PITPNM3: variants seen among roughly 807,000 people sequenced by gnomAD.
PITPNM3 encodes the protein PITPNM family member 3.
A neutral mutation model predicts 102.0 loss-of-function variants in PITPNM3; 26 were observed. The ratio of observed to expected loss-of-function variants is 0.25; its 90% CI spans 0.19 to 0.35. The LOEUF (loss-of-function observed/expected upper bound fraction) is 0.35. Among genes scored for constraint, PITPNM3 ranks in the 10% least tolerant of loss-of-function variants. PITPNM3 has a pLI of 1.00. For synonymous variants in PITPNM3, 578 were observed against 558.6 expected (o/e 1.03, Z -0.49); for missense variants, 1,083 against 1,346.1 (o/e 0.80, Z 3.06).
At chr17:6,501,316 T>C (rs1208274323) in intron 4 of PITPNM3, among the ~76,000 whole-genome samples, 4 of 152,174 alleles carry the variant, frequency 2.6e-5, no homozygotes, top group Admixed American at 2.6e-4. Flanking sequence ...CTCTGGGGCC[T>C]CGCTGGCCAG....
chr17:6,523,993 TTTGGGCAA>T (rs1908683511), intron 3 of PITPNM3, among the ~76,000 whole-genome samples: 1 of 152,222 alleles, frequency 6.6e-6, no homozygotes, highest in African/African-American at 2.4e-5. Context: ...CTTGGGGGAC[TTTGGGCAA>T]GACGTGGCTC....
At chr17:6,542,073 A>G (rs1034026932) in intron 1 of PITPNM3, among the ~76,000 whole-genome samples, 5 of 152,092 alleles carry the variant, frequency 3.3e-5, no homozygotes, top group Admixed American at 3.3e-4. Flanking sequence ...TCCTCTCTCC[A>G]TTGCCCGCTC....
At chr17:6,498,349 T>C (rs1906963213) in intron 4 of PITPNM3, among the ~76,000 whole-genome samples, 1 of 152,142 alleles carries the variant, frequency 6.6e-6, no homozygotes, top group African/African-American at 2.4e-5. Flanking sequence ...AGAGCTAGCC[T>C]GGGGAAACGG....
At chr17:6,508,797 G>A (rs569517932) in intron 3 of PITPNM3, among the ~76,000 whole-genome samples, 3 of 152,232 alleles carry the variant, frequency 2.0e-5, no homozygotes, top group Non-Finnish European at 2.9e-5. Context: ...TAAGTGTGGC[G>A]CCCGGACAGT....
chr17:6,472,579 C>G lies in PITPNM3; in HGVS notation c.1429+78G>C. On this transcript the variant is annotated intron_variant, in intron 11 of 19. Coordinates refer to ENST00000262483, the MANE Select transcript of PITPNM3 (RefSeq NM_031220.4). This position sits in a 1 kb window ranked among gnomAD's most constrained non-coding sequence, Gnocchi z 4.1. ...CTGCTCAGGTGAGTCACCCTACTCA[C>G]TGAGAGCTTGGAGGGGTTGAATGGG... The G allele has an allele frequency of 1.3e-6, 2 of 1,528,774 alleles. No homozygotes were observed. The highest frequency in any genetic ancestry group is 1.8e-6 in the Non-Finnish European group (2 of 1,125,044). 94.7% of individuals were successfully genotyped at this position (1,528,774 alleles called of 1,614,324 possible).
intron 3 of PITPNM3, among the ~76,000 whole-genome samples, chr17:6,511,723 C>G (rs1227652373): frequency 6.6e-6 from 1 of 152,066 alleles, no homozygotes; most frequent in African/African-American, 2.4e-5. Context: ...GTGGCTCACG[C>G]CTGTAGTCCC....
intron 1 of PITPNM3, among the ~76,000 whole-genome samples, chr17:6,551,582 A>C (rs906314845): frequency 6.6e-6 from 1 of 151,946 alleles, no homozygotes; most frequent in African/African-American, 2.4e-5. Flanking sequence ...AGATTTAAGA[A>C]TCCCAGCGTT....
chr17:6,483,138 G>A (rs746186944), intron 6 of PITPNM3, among the ~76,000 whole-genome samples: 10 of 152,002 alleles, frequency 6.6e-5, no homozygotes, highest in Admixed American at 6.6e-5. Context: ...TAGAGACAGG[G>A]TTTCACCATA....
In PITPNM3 at chr17:6,525,419, G is replaced by C. The variant is rs1250972891; in HGVS notation, c.163C>G (p.Gln55Glu). 2.5e-6 allele frequency: 4 copies of C among 1,614,188 alleles called. No homozygotes were observed. Among genetic ancestry groups the C allele is most frequent in the Non-Finnish European group, 3.4e-6 (4 of 1,180,034 alleles). The change falls in exon 3 of 20, where the codon CAG becomes GAG. Residue 55 changes from glutamine to glutamate, a missense_variant. Gln to Glu is a conservative substitution (Grantham distance 29, BLOSUM62 2). Around this residue, in one of 5 missense-constraint regions of PITPNM3, gnomAD observed 290 missense variants for 337.8 expected, o/e 0.86. Coordinates refer to ENST00000262483, the MANE Select transcript of PITPNM3 (RefSeq NM_031220.4). Reference sequence around the variant, plus strand: ...TCCACGAGGTCATTGGAGTTCCACTGGCTCATCCCAATGAGGATGGCATTC... The same window carrying C: ...TCCACGAGGTCATTGGAGTTCCACTCGCTCATCCCAATGAGGATGGCATTC... Reference protein sequence around the residue: ...GKNAILIGMSQWNSNDLVEQI... With the variant: ...GKNAILIGMSEWNSNDLVEQI...
chr17:6,512,835 A>G (rs1907947336), intron 3 of PITPNM3, among the ~76,000 whole-genome samples: 2 of 152,186 alleles, frequency 1.3e-5, no homozygotes, highest in South Asian at 4.1e-4. Context: ...AGAAGAACCT[A>G]GATTGTAAAT....
rs958201738 is a variant in PITPNM3, at chr17:6,556,221, C to T, written c.22+164G>A. ...AGGAAGGACGGGGGGCGCGCGGAGC[C>T]CCCTCTCCACGCGCGGGAGGTCCAG... On this transcript the variant is annotated intron_variant, in intron 1 of 19. Transcript: ENST00000262483. The surrounding 1 kb of genome is among the most constrained non-coding windows in gnomAD (Gnocchi z 5.2). Among the ~76,000 whole-genome samples, 12 of 151,906 alleles carry T rather than the reference C, an allele frequency of 7.9e-5. No individual in the cohort carries two copies. Among genetic ancestry groups the T allele is most frequent in the African/African-American group, 2.9e-4 (12 of 41,406 alleles).
intron 4 of PITPNM3, among the ~76,000 whole-genome samples, chr17:6,501,641 G>A (rs781259543): frequency 2.6e-5 from 4 of 151,992 alleles, no homozygotes; most frequent in African/African-American, 7.3e-5. Context: ...TGCAGCTTTG[G>A]GGGGCTCAGT....
chr17:6,459,432 C>T lies in PITPNM3; in HGVS notation c.2491-1710G>A, dbSNP rs887340477. Among the ~76,000 whole-genome samples, 3 of 152,056 alleles carry T rather than the reference C, an allele frequency of 2.0e-5. No individual in the cohort carries two copies. The highest frequency in any genetic ancestry group is 7.2e-5 in the African/African-American group (3 of 41,384). On this transcript the variant is annotated intron_variant, in intron 18 of 19. Coordinates refer to ENST00000262483, the MANE Select transcript of PITPNM3 (RefSeq NM_031220.4). This position sits in a 1 kb window ranked among gnomAD's most constrained non-coding sequence, Gnocchi z 5.0. ...TTGTGCTGCTCTCAGTGGCCCAGCA[C>T]AGCCTCTTCTAACGCCTCATCTCCC...
chr17:6,550,635 C>A (rs574741213), intron 1 of PITPNM3, among the ~76,000 whole-genome samples: 4 of 152,224 alleles, frequency 2.6e-5, no homozygotes, highest in Non-Finnish European at 5.9e-5. Context: ...CAGGCCACCT[C>A]CAGCCATGAA....
At chr17:6,529,463 G>A (rs575994728) in intron 2 of PITPNM3, among the ~76,000 whole-genome samples, 1 of 152,072 alleles carries the variant, frequency 6.6e-6, no homozygotes, top group African/African-American at 2.4e-5. Flanking sequence ...GCGTGGGGGC[G>A]GGTGTCTGTA....
intron 9 of PITPNM3, among the ~76,000 whole-genome samples, chr17:6,476,793 C>T (rs757694420): frequency 6.6e-6 from 1 of 152,234 alleles, no homozygotes; most frequent in Admixed American, 6.5e-5. Context: ...TTCCCAGTCT[C>T]TCTGCAAGTC....
chr17:6,518,245 C>T (rs1025656394), intron 3 of PITPNM3, among the ~76,000 whole-genome samples: 6 of 151,986 alleles, frequency 3.9e-5, no homozygotes, highest in Admixed American at 2.6e-4. Flanking sequence ...AAGAGGAGAA[C>T]GTGGAGGTTT....
intron 17 of PITPNM3, among the ~76,000 whole-genome samples, chr17:6,462,188 C>T (rs1466296889): frequency 1.3e-5 from 2 of 152,232 alleles, no homozygotes; most frequent in African/African-American, 2.4e-5. Flanking sequence ...TAATCCCAAA[C>T]ATGCATAGCA....
chr17:6,502,261 C>T (rs185383564), intron 4 of PITPNM3, among the ~76,000 whole-genome samples: 122 of 152,282 alleles, frequency 8.0e-4, no homozygotes, highest in African/African-American at 2.7e-3. Context: ...AGTAGTAGCC[C>T]GGCCAACATG....
Sources: gnomAD v4.1 joint callset for allele counts (sites outside exome capture counted in the v4.1 genomes callset) on GRCh38, gnomAD v4.1.1 for gene constraint, gnomAD v4.1.1 regional missense constraint, Gnocchi (gnomAD v3.1) non-coding constraint, MANE v1.5 for transcripts, NCBI Gene and HGNC (gene_info 2026-07-23, HGNC 2026-07-21) for gene names.